The following FLVCR1 variants were observed in gnomAD, a reference collection of about 807,000 sequenced individuals.
FLVCR1 encodes the protein FLVCR choline and heme transporter 1.
Under a neutral mutation model 53.6 loss-of-function variants are expected in FLVCR1, and 34 were observed. That is an observed-to-expected ratio of 0.63 (90% CI 0.48 to 0.84). The LOEUF (loss-of-function observed/expected upper bound fraction) is 0.84, where lower values mean the gene tolerates loss of function less well. FLVCR1 is among the 40% of genes least tolerant of loss of function. The probability of loss-of-function intolerance (pLI) is 0.00; values close to 1 mark genes in which losing one functional copy is unlikely to be tolerated. For synonymous variants in FLVCR1, 300 were observed against 286.3 expected, an observed-to-expected ratio of 1.05 and a Z score of -0.48; for missense variants, 677 against 696.7, an observed-to-expected ratio of 0.97 and a Z score of 0.32.
intron 2 of FLVCR1, among the ~76,000 whole-genome samples, chr1:212,871,109 G>A (rs1322592543): frequency 2.0e-5 from 3 of 151,994 alleles, no homozygotes; most frequent in South Asian, 4.2e-4. Context: ...CATCAATCTT[G>A]AGGTATACCT....
intron 8 of FLVCR1, among the ~76,000 whole-genome samples, chr1:212,890,696 G>C (rs1282988397): frequency 6.6e-6 from 1 of 152,180 alleles, no homozygotes; most frequent in Non-Finnish European, 1.5e-5. Context: ...CGTTGATCTG[G>C]TTATAACTTA....
intron 3 of FLVCR1, among the ~76,000 whole-genome samples, chr1:212,878,125 G>C (rs975533008): frequency 6.6e-6 from 1 of 152,068 alleles, no homozygotes; most frequent in Non-Finnish European, 1.5e-5. Flanking sequence ...AGTTACATTA[G>C]AGACCGTATG....
intron 3 of FLVCR1, among the ~76,000 whole-genome samples, chr1:212,877,664 TTGTC>T (rs1021501158): frequency 6.6e-6 from 1 of 150,994 alleles, no homozygotes; most frequent in African/African-American, 2.4e-5. Context: ...ATTCTGTAAG[TTGTC>T]TGTTCACTCT....
intron 9 of FLVCR1, 42 bp downstream of exon 9, chr1:212,895,095 T>G (rs749979202): frequency 7.3e-7 from 1 of 1,379,254 alleles, no homozygotes; most frequent in South Asian, 1.2e-5. Flanking sequence ...GAAGTATGTA[T>G]AGAATAAATG....
intron 1 of FLVCR1, among the ~76,000 whole-genome samples, chr1:212,860,841 T>C (rs1006227654): frequency 3.3e-5 from 5 of 152,210 alleles, no homozygotes; most frequent in African/African-American, 1.2e-4. Context: ...ATAGTCTACT[T>C]GGATATCTCA....
At chr1:212,883,300 GAC>G (rs2102563458) in intron 3 of FLVCR1, 69 bp from the exon 4 acceptor site, 3 of 849,964 alleles carry the variant, frequency 3.5e-6, no homozygotes, top group Middle Eastern at 3.2e-4. Context: ...ACTGGTAAAT[GAC>G]ACACTTTTAG....
intron 2 of FLVCR1, among the ~76,000 whole-genome samples, chr1:212,865,383 ACAC>A (rs1664381343): frequency 2.0e-5 from 3 of 151,492 alleles, no homozygotes; most frequent in Non-Finnish European, 2.9e-5. Flanking sequence ...TGCGGTAAAA[ACAC>A]CACAATTCTT....
intron 8 of FLVCR1, among the ~76,000 whole-genome samples, chr1:212,891,721 A>G (rs1242015965): frequency 6.6e-6 from 1 of 152,210 alleles, no homozygotes; most frequent in Non-Finnish European, 1.5e-5. Flanking sequence ...AGCAAAAGGA[A>G]GAGTAGTAAA....
At chr1:212,880,139 G>T (rs1417457852) in intron 3 of FLVCR1, among the ~76,000 whole-genome samples, 1 of 152,126 alleles carries the variant, frequency 6.6e-6, no homozygotes, top group African/African-American at 2.4e-5. Flanking sequence ...AACCCAGCGT[G>T]GTCCACGTGC....
At chr1:212,866,377 T>G (rs1558109646) in intron 2 of FLVCR1, among the ~76,000 whole-genome samples, 2 of 152,090 alleles carry the variant, frequency 1.3e-5, no homozygotes, top group African/African-American at 4.8e-5. Flanking sequence ...TGCCTCGGCC[T>G]CCCAAAGGGC....
At chr1:212,882,486 A>G (rs777396147) in intron 3 of FLVCR1, among the ~76,000 whole-genome samples, 3 of 152,184 alleles carry the variant, frequency 2.0e-5, no homozygotes, top group Non-Finnish European at 2.9e-5. Flanking sequence ...AGCTCAAGCT[A>G]GGGCTTGACT....
chr1:212,859,519 A>G lies in FLVCR1; in HGVS notation c.738+329A>G, dbSNP rs1196417282. 2.6e-5 allele frequency among the ~76,000 whole-genome samples: 4 copies of G among 152,106 alleles called. No homozygotes were observed. The East Asian group carries it at 7.7e-4, about 29-fold the overall frequency. ...GATCACTTCAAGTCAGGAGTTCCAG[A>G]CCAGCCTGGGCAACATGGGGAAACC... On this transcript the variant is annotated intron_variant, in intron 1 of 9. Transcript: ENST00000366971.
intron 3 of FLVCR1, 79 bp from the exon 4 acceptor site, chr1:212,883,292 T>C: frequency 1.3e-6 from 1 of 790,180 alleles, no homozygotes; most frequent in Non-Finnish European, 2.2e-6. Flanking sequence ...CTTCATGAAC[T>C]GGTAAATGAC....
chr1:212,865,091 A>G (rs1382757874), intron 2 of FLVCR1, among the ~76,000 whole-genome samples: 1 of 151,798 alleles, frequency 6.6e-6, no homozygotes, highest in Non-Finnish European at 1.5e-5. Context: ...AGTTTAGCAA[A>G]GTTTTAAAAG....
chr1:212,861,293 T>G (rs1664233053), intron 1 of FLVCR1, among the ~76,000 whole-genome samples: 1 of 152,236 alleles, frequency 6.6e-6, no homozygotes, highest in Non-Finnish European at 1.5e-5. Context: ...TGGCTTGGAA[T>G]ATTTCTTCAC....
chr1:212,895,614 A>G lies in FLVCR1; in HGVS notation c.*324A>G, dbSNP rs933974909. 1 of 360,194 alleles carries G rather than the reference A, an allele frequency of 2.8e-6. No homozygotes were observed. The highest frequency in any genetic ancestry group is 5.2e-6 in the Non-Finnish European group (1 of 192,108). The allele number at this position is 360,194 out of a possible 1,614,324, so 22.3% of individuals were successfully genotyped here. ...GTCGATGTTTTTCTTTTTTGTAGAA[A>G]ATGGAAGCTTAGAATACTTTTTAAA... On this transcript the variant is annotated 3_prime_UTR_variant, in exon 10 of 10. Transcript: ENST00000366971.
At chr1:212,869,183 A>G (rs1664529431) in intron 2 of FLVCR1, among the ~76,000 whole-genome samples, 1 of 152,372 alleles carries the variant, frequency 6.6e-6, no homozygotes, top group South Asian at 2.1e-4. Flanking sequence ...TATTTTGGCT[A>G]CTTTATAAGA....
chr1:212,874,850 TA>T (rs112156013), intron 3 of FLVCR1, among the ~76,000 whole-genome samples: 34,094 of 151,800 alleles, frequency 0.22, 4,447 homozygotes, highest in East Asian at 0.44. Context: ...ATCACTCTTT[TA>T]TCACTCACTT....
chr1:212,862,195 C>T (rs1664266037), intron 1 of FLVCR1, among the ~76,000 whole-genome samples: 1 of 152,042 alleles, frequency 6.6e-6, no homozygotes, highest in South Asian at 2.1e-4. Flanking sequence ...ATAAAACTAA[C>T]CATTTTAATG....
Sources: allele counts gnomAD v4.1 joint callset (sites outside exome capture counted in the v4.1 genomes callset), GRCh38; gene constraint gnomAD v4.1.1; transcripts MANE v1.5; gene names NCBI Gene and HGNC (gene_info 2026-07-23, HGNC 2026-07-21).